The following ULK4 variants were observed in gnomAD, a reference collection of about 807,000 sequenced individuals.
The protein encoded by ULK4 is inactive serine/threonine-protein kinase ULK4.
A neutral mutation model predicts 160.6 loss-of-function variants in ULK4; 133 were observed. The ratio of observed to expected loss-of-function variants is 0.83; its 90% CI spans 0.72 to 0.96. The LOEUF is 0.96. Among genes scored for constraint, ULK4 ranks in the 40% least tolerant of loss-of-function variants. The pLI is 0.00. For missense variants in ULK4, 1,580 were observed against 1,499.5 expected, an observed-to-expected ratio of 1.05 and a Z score of -0.89; for synonymous variants, 534 against 539.8, an observed-to-expected ratio of 0.99 and a Z score of 0.15.
rs1057187344 is a variant in ULK4 at position 41,757,306 on chromosome 3, G to A, written c.2194-2818C>T. ...TAAACCTATTTCATATAAAGAAAACGAAAAATGAAAATCAAAAACATTTTG... is the reference window on the plus strand; with the variant it reads ...TAAACCTATTTCATATAAAGAAAACAAAAAATGAAAATCAAAAACATTTTG... On this transcript the variant is annotated intron_variant, in intron 21 of 36. Coordinates refer to ENST00000301831, the MANE Select transcript of ULK4 (RefSeq NM_017886.4). Among the ~76,000 whole-genome samples, 6 of 152,024 alleles carry A rather than the reference G, an allele frequency of 3.9e-5. No individual in the cohort carries two copies. The East Asian group carries it at 7.8e-4, about 20-fold the overall frequency.
intron 35 of ULK4, among the ~76,000 whole-genome samples, chr3:41,362,476 T>C (rs2081166103): frequency 6.6e-6 from 1 of 152,228 alleles, no homozygotes; most frequent in African/African-American, 2.4e-5. Flanking sequence ...GGGTATCATA[T>C]ACAGTATACA....
intron 31 of ULK4, among the ~76,000 whole-genome samples, chr3:41,606,151 T>C (rs1294512704): frequency 1.3e-5 from 2 of 151,586 alleles, no homozygotes; most frequent in Non-Finnish European, 3.0e-5. Context: ...AACAGAGAAG[T>C]CTCAAGCCAA....
chr3:41,468,693 C>A (rs2083895873), intron 32 of ULK4, among the ~76,000 whole-genome samples: 1 of 152,186 alleles, frequency 6.6e-6, no homozygotes, highest in Admixed American at 6.5e-5. Context: ...TACTACCTTT[C>A]CACCTCCCAG....
At chr3:41,276,684 A>G (rs1208194471) in intron 35 of ULK4, among the ~76,000 whole-genome samples, 3 of 152,242 alleles carry the variant, frequency 2.0e-5, no homozygotes, top group Admixed American at 2.0e-4. Flanking sequence ...AATAGTTGTA[A>G]CATTTCTCAC....
intron 32 of ULK4, among the ~76,000 whole-genome samples, chr3:41,484,914 T>G (rs2084469765): frequency 6.6e-6 from 1 of 152,196 alleles, no homozygotes; most frequent in Non-Finnish European, 1.5e-5. Flanking sequence ...TAAAATTATT[T>G]CCATAAATTT....
chr3:41,858,413 G>A (rs578219795), intron 17 of ULK4, among the ~76,000 whole-genome samples: 2 of 151,500 alleles, frequency 1.3e-5, no homozygotes, highest in African/African-American at 4.8e-5. Context: ...CGGCCTCCCA[G>A]AGTACTGGAA....
intron 31 of ULK4, among the ~76,000 whole-genome samples, chr3:41,578,931 C>A (rs186613491): frequency 5.3e-5 from 8 of 152,328 alleles, no homozygotes; most frequent in Admixed American, 5.2e-4. Context: ...TTGAGAGTTT[C>A]CCTAAGGGCC....
Position 41,384,535 on chromosome 3 carries a change from G to A in ULK4, c.3678+13544C>T, listed in dbSNP as rs191220090. Among the ~76,000 whole-genome samples the A allele has an allele frequency of 2.0e-5, 3 of 152,244 alleles. No individual in the cohort carries two copies. The East Asian group carries it at 5.8e-4, about 30-fold the overall frequency. ...GGAAATCCTGTTTCTATTTTTCTGA[G>A]ATCAGATGAGATCGGGTGCGTTCAG... On this transcript the variant is annotated intron_variant, in intron 35 of 36. Coordinates refer to ENST00000301831, the MANE Select transcript of ULK4 (RefSeq NM_017886.4).
At chr3:41,264,518 C>A (rs192798569) in intron 35 of ULK4, among the ~76,000 whole-genome samples, 1 of 152,330 alleles carries the variant, frequency 6.6e-6, no homozygotes, top group Non-Finnish European at 1.5e-5. Flanking sequence ...TCTTGTAGGG[C>A]TAAATGCTGA....
chr3:41,360,683 C>T (rs1014833513), intron 35 of ULK4, among the ~76,000 whole-genome samples: 3 of 152,118 alleles, frequency 2.0e-5, no homozygotes, highest in South Asian at 2.1e-4. Flanking sequence ...CCAAATACCA[C>T]GTGTTTTCAA....
chr3:41,455,903 A>G (rs926316363), intron 33 of ULK4, among the ~76,000 whole-genome samples: 2 of 152,004 alleles, frequency 1.3e-5, no homozygotes, highest in Non-Finnish European at 2.9e-5. Flanking sequence ...GCAGTGAGGA[A>G]GCGCTTAATC....
intron 35 of ULK4, among the ~76,000 whole-genome samples, chr3:41,254,997 T>G (rs939005106): frequency 2.0e-5 from 3 of 151,918 alleles, no homozygotes; most frequent in Non-Finnish European, 2.9e-5. Context: ...ATGTAGGCCC[T>G]AAAATATCAA....
intron 31 of ULK4, among the ~76,000 whole-genome samples, chr3:41,605,382 C>T (rs2032328026): frequency 6.6e-6 from 1 of 151,560 alleles, no homozygotes; most frequent in African/African-American, 2.4e-5. Flanking sequence ...AATATAAAGG[C>T]ATAAATAGGT....
chr3:41,924,639 A>G (rs1167827980), intron 5 of ULK4, among the ~76,000 whole-genome samples: 1 of 152,226 alleles, frequency 6.6e-6, no homozygotes, highest in African/African-American at 2.4e-5. Flanking sequence ...ATAGACCACA[A>G]CAGTCATTTT....
chr3:41,819,376 G>A, intron 19 of ULK4, 47 bp downstream of exon 19: 1 of 1,567,330 alleles, frequency 6.4e-7, no homozygotes, highest in Non-Finnish European at 8.7e-7. Flanking sequence ...TGCCTGAAGG[G>A]TTATTACAAT....
intron 16 of ULK4, among the ~76,000 whole-genome samples, chr3:41,889,522 C>CTATTT (rs1697840048): frequency 6.6e-6 from 1 of 152,012 alleles, no homozygotes; most frequent in South Asian, 2.1e-4. Context: ...ACAACAGACA[C>CTATTT]CGGGGCCTAT....
chr3:41,856,174 A>C (rs1360898232), intron 17 of ULK4, among the ~76,000 whole-genome samples: 1 of 152,134 alleles, frequency 6.6e-6, no homozygotes, highest in Non-Finnish European at 1.5e-5. Flanking sequence ...GTTTCACTTC[A>C]TTCCACACAA....
intron 29 of ULK4, among the ~76,000 whole-genome samples, chr3:41,671,332 T>C (rs1330484475): frequency 6.6e-6 from 1 of 152,104 alleles, no homozygotes; most frequent in Non-Finnish European, 1.5e-5. Flanking sequence ...ACTACCTGAC[T>C]TCAAAATATA....
chr3:41,844,545 TC>T (rs1001651659), intron 17 of ULK4, among the ~76,000 whole-genome samples: 2 of 151,840 alleles, frequency 1.3e-5, no homozygotes, highest in African/African-American at 4.8e-5. Context: ...CTCGCGCCTC[TC>T]CCTCCACATC....
Sources: gnomAD v4.1 joint callset for allele counts (sites outside exome capture counted in the v4.1 genomes callset) on GRCh38, gnomAD v4.1.1 for gene constraint, MANE v1.5 for transcripts, NCBI Gene and HGNC (gene_info 2026-07-23, HGNC 2026-07-21) for gene names.